The following KCNH1 variants were observed in gnomAD, a reference collection of about 807,000 sequenced individuals.
The protein encoded by KCNH1 is voltage-gated delayed rectifier potassium channel KCNH1.
A neutral mutation model predicts 69.2 loss-of-function variants in KCNH1; 27 were observed. That is an observed-to-expected ratio of 0.39 (90% CI 0.29 to 0.54). The LOEUF is 0.54. Ranked by LOEUF, KCNH1 falls within the 20% of genes least tolerant of loss-of-function variation. The pLI is 0.68. For missense variants in KCNH1, 798 were observed against 1,261.6 expected (o/e 0.63, Z 5.57); for synonymous variants, 456 against 487.7 (o/e 0.93, Z 0.86).
chr1:211,024,368 G>C (rs1181912867), intron 5 of KCNH1, among the ~76,000 whole-genome samples: 1 of 152,172 alleles, frequency 6.6e-6, no homozygotes, highest in African/African-American at 2.4e-5. Context: ...CCTAGGCAGA[G>C]GGCGTAACTG....
intron 10 of KCNH1, among the ~76,000 whole-genome samples, chr1:210,745,084 T>C (rs908384773): frequency 7.2e-5 from 11 of 152,220 alleles, no homozygotes; most frequent in African/African-American, 2.7e-4. Context: ...GTGCCTGTAG[T>C]CCCAGCTGTT....
At chr1:211,071,193 G>C (rs778785929) in intron 5 of KCNH1, among the ~76,000 whole-genome samples, 9 of 152,184 alleles carry the variant, frequency 5.9e-5, no homozygotes, top group Non-Finnish European at 8.8e-5. Flanking sequence ...TGAATAGTCT[G>C]TCTGAAATGG....
intron 6 of KCNH1, among the ~76,000 whole-genome samples, chr1:210,965,582 A>G (rs751074823): frequency 6.6e-6 from 1 of 151,302 alleles, no homozygotes; most frequent in Non-Finnish European, 1.5e-5. Context: ...ACTACCAACT[A>G]TACACCAATA....
At chr1:210,869,484 C>T (rs1686187448) in intron 7 of KCNH1, among the ~76,000 whole-genome samples, 3 of 137,018 alleles carry the variant, frequency 2.2e-5, no homozygotes, top group South Asian at 5.1e-4. Context: ...AGTTATAAGT[C>T]GTGTGTGTGT....
chr1:210,998,794 G>C (rs184359664), intron 6 of KCNH1, among the ~76,000 whole-genome samples: 1 of 152,276 alleles, frequency 6.6e-6, no homozygotes, highest in Admixed American at 6.5e-5. Context: ...TAAAAGAACA[G>C]AAATCACAAC....
At chr1:210,934,424 G>A (rs1169557660) in intron 6 of KCNH1, among the ~76,000 whole-genome samples, 1 of 152,236 alleles carries the variant, frequency 6.6e-6, no homozygotes, top group East Asian at 1.9e-4. Context: ...TGGGGCCAAG[G>A]TGGGCAGATC....
intron 7 of KCNH1, among the ~76,000 whole-genome samples, chr1:210,909,254 T>G (rs941447544): frequency 6.6e-6 from 1 of 152,262 alleles, no homozygotes; most frequent in Non-Finnish European, 1.5e-5. Flanking sequence ...CAAGCTCTTC[T>G]TATACAAAGC....
At position 210,775,440 on chromosome 1, in the gene KCNH1, G is replaced by T. The variant is rs754794236; in HGVS notation, c.2020C>A (p.Arg674=). 1.2e-6 allele frequency: 2 copies of T among 1,614,070 alleles called. No individual in the cohort carries two copies. Among genetic ancestry groups the T allele is most frequent in the South Asian group, 2.2e-5 (2 of 91,086 alleles). The change falls in exon 10 of 11, where the codon CGG becomes AGG. Residue 674 remains arginine (R), a synonymous_variant. Coordinates refer to ENST00000271751, the MANE Select transcript of KCNH1 (RefSeq NM_172362.3). ...LTYCDLHVIK[R]DALQKVLEFY... ...TCCAGCACTTTCTGCAGGGCATCCC[G>T]CTTGATCACATGCAGATCACAGTAG...
At chr1:210,967,142 G>A (rs151005824) in intron 6 of KCNH1, among the ~76,000 whole-genome samples, 9,285 of 152,046 alleles carry the variant, frequency 0.061, 718 homozygotes, top group African/African-American at 0.19. Context: ...ATGGACACAG[G>A]GAGGGGAACA....
At chr1:211,038,675 CTT>C (rs1412646798) in intron 5 of KCNH1, among the ~76,000 whole-genome samples, 3 of 152,094 alleles carry the variant, frequency 2.0e-5, no homozygotes, top group Non-Finnish European at 4.4e-5. Flanking sequence ...AAAGGTGACT[CTT>C]GTTATGTTTT....
At chr1:211,057,771 G>A (rs2102446568) in intron 5 of KCNH1, among the ~76,000 whole-genome samples, 1 of 152,138 alleles carries the variant, frequency 6.6e-6, no homozygotes, top group Middle Eastern at 3.4e-3. Context: ...AAGAGGAGAT[G>A]GGACGACAGA....
chr1:211,057,812 T>C (rs1406307313), intron 5 of KCNH1, among the ~76,000 whole-genome samples: 1 of 152,052 alleles, frequency 6.6e-6, no homozygotes, highest in African/African-American at 2.4e-5. Flanking sequence ...AAAGGGATTA[T>C]AACACAGAAC....
chr1:210,908,872 G>A (rs902152814), intron 7 of KCNH1, among the ~76,000 whole-genome samples: 1 of 152,168 alleles, frequency 6.6e-6, no homozygotes, highest in African/African-American at 2.4e-5. Context: ...CTGCAAGCAG[G>A]GCACGTGCAG....
chr1:210,859,604 C>T (rs1685930461), intron 7 of KCNH1: 6 of 1,443,910 alleles, frequency 4.2e-6, no homozygotes, highest in Non-Finnish European at 5.9e-6. Context: ...TCGGTTTCAT[C>T]ATCATATTCA....
chr1:210,913,130 A>C (rs551738824), intron 7 of KCNH1, among the ~76,000 whole-genome samples: 5 of 152,320 alleles, frequency 3.3e-5, no homozygotes, highest in Admixed American at 3.3e-4. Context: ...AAATGGGGGC[A>C]CCCAACTGAA....
intron 5 of KCNH1, among the ~76,000 whole-genome samples, chr1:211,067,473 G>A (rs567394667): frequency 1.1e-3 from 169 of 152,252 alleles, no homozygotes; most frequent in Non-Finnish European, 1.9e-3. Flanking sequence ...TTCCTGTCAG[G>A]CTGGTAGAGC....
chr1:211,062,292 C>A (rs2102450691), intron 5 of KCNH1, among the ~76,000 whole-genome samples: 1 of 152,278 alleles, frequency 6.6e-6, no homozygotes, highest in East Asian at 1.9e-4. Context: ...AGACCCCTAT[C>A]TTGCACCCAA....
intron 7 of KCNH1, among the ~76,000 whole-genome samples, chr1:210,881,405 T>C (rs1686491137): frequency 6.6e-6 from 1 of 152,208 alleles, no homozygotes; most frequent in Admixed American, 6.5e-5. Flanking sequence ...GGAACTCTCA[T>C]TCATTGCTGG....
intron 10 of KCNH1, among the ~76,000 whole-genome samples, chr1:210,712,280 T>TAAAC (rs1682097185): frequency 6.6e-6 from 1 of 152,202 alleles, no homozygotes; most frequent in East Asian, 1.9e-4. Context: ...TTCTATGAAC[T>TAAAC]AAACATAAAA....
Sources: gnomAD v4.1 joint callset for allele counts (sites outside exome capture counted in the v4.1 genomes callset) on GRCh38, gnomAD v4.1.1 for gene constraint, MANE v1.5 for transcripts, NCBI Gene and HGNC (gene_info 2026-07-23, HGNC 2026-07-21) for gene names.